The following CACNB2 variants were observed in gnomAD, a reference collection of about 807,000 sequenced individuals.
CACNB2 encodes the protein voltage-dependent L-type calcium channel subunit beta-2.
Under a neutral mutation model 73.3 loss-of-function variants are expected in CACNB2, and 42 were observed. The observed-to-expected ratio is 0.57, with a 90% CI of 0.45 to 0.74. The LOEUF is 0.74. Among genes scored for constraint, CACNB2 ranks in the 30% least tolerant of loss-of-function variants. CACNB2 has a pLI of 0.00. For synonymous variants in CACNB2, 348 were observed against 310.3 expected (o/e 1.12, Z -1.28); for missense variants, 940 against 853.0 (o/e 1.10, Z -1.27).
At chr10:18,421,307 T>A (rs1265212271) in intron 3 of CACNB2, among the ~76,000 whole-genome samples, 1 of 151,948 alleles carries the variant, frequency 6.6e-6, no homozygotes, top group South Asian at 2.1e-4. Context: ...TTTTGTTTTT[T>A]TTTTTCTAAG....
chr10:18,395,481 G>A (rs2132482772), intron 2 of CACNB2, among the ~76,000 whole-genome samples: 1 of 151,984 alleles, frequency 6.6e-6, no homozygotes, highest in South Asian at 2.1e-4. Flanking sequence ...GAGATATTAA[G>A]TTTCATGACA....
intron 2 of CACNB2, among the ~76,000 whole-genome samples, chr10:18,374,888 C>T (rs2042731207): frequency 6.6e-6 from 1 of 152,158 alleles, no homozygotes; most frequent in African/African-American, 2.4e-5. Flanking sequence ...CCAGTAGCCC[C>T]TAGACTCTCA....
At chr10:18,271,902 C>A (rs542839618) in intron 2 of CACNB2, among the ~76,000 whole-genome samples, 1 of 152,196 alleles carries the variant, frequency 6.6e-6, no homozygotes, top group African/African-American at 2.4e-5. Context: ...CTCCTCCATA[C>A]CACCAAAGGA....
At chr10:18,212,679 G>T (rs144957614) in intron 2 of CACNB2, among the ~76,000 whole-genome samples, 31 of 152,078 alleles carry the variant, frequency 2.0e-4, no homozygotes, top group African/African-American at 7.5e-4. Context: ...ATTATTCCAG[G>T]GTCGTTTATA....
At chr10:18,333,689 T>C (rs963861251) in intron 2 of CACNB2, among the ~76,000 whole-genome samples, 2 of 152,228 alleles carry the variant, frequency 1.3e-5, no homozygotes, top group Non-Finnish European at 2.9e-5. Context: ...GTACCATAAT[T>C]ATCCATATTT....
Position 18,218,483 on chromosome 10 carries a change from T to G in CACNB2, c.213+67508T>G, listed in dbSNP as rs79598652. Among the ~76,000 whole-genome samples the G allele has an allele frequency of 4.4e-3, 673 of 152,282 alleles. 3 individuals carry two copies. Among genetic ancestry groups the G allele is most frequent in the African/African-American group, 0.015 (644 of 41,558 alleles). On this transcript the variant is annotated intron_variant, in intron 2 of 13. Transcript: ENST00000324631. ...AGATAAGAAAATGGAGGCCCAGAGA[T>G]CTGTATGAATGTGTATGTGTAGCAC... is the stretch of plus-strand genomic sequence containing the variant.
At chr10:18,177,463 TGCA>T (rs1181676432) in intron 2 of CACNB2, among the ~76,000 whole-genome samples, 802 of 49,948 alleles carry the variant, frequency 0.016, 11 homozygotes, top group African/African-American at 0.054. Flanking sequence ...CTATTAAAAA[TGCA>T]AAAAAAAAAA....
chr10:18,410,135 T>C (rs2044537275), intron 3 of CACNB2, among the ~76,000 whole-genome samples: 1 of 152,136 alleles, frequency 6.6e-6, no homozygotes, highest in South Asian at 2.1e-4. Context: ...AGCTTTCTAC[T>C]CCTTAGCCGT....
At position 18,443,038 on chromosome 10, in the gene CACNB2, A is replaced by G. The variant is rs539274790; in HGVS notation, c.333+40995A>G. On this transcript the variant is annotated intron_variant, in intron 3 of 13. Transcript: ENST00000324631. Reference sequence around the variant, plus strand: ...TGTATATATATATATATATATATAAATAAGGAACTTAACTATACATAATTT... The same window carrying G: ...TGTATATATATATATATATATATAAGTAAGGAACTTAACTATACATAATTT... 2.1e-3 allele frequency among the ~76,000 whole-genome samples: 291 copies of G among 136,154 alleles called. 35 individuals are homozygous for G. The highest frequency in any genetic ancestry group is 7.7e-3 in the African/African-American group (287 of 37,498). The allele number at this position is 136,154 out of a possible 152,430, so 89.3% of individuals were successfully genotyped here. A position where few individuals can be genotyped will look rare whatever the true frequency, so the allele number is the denominator to read the frequency against.
chr10:18,140,869 C>A lies in CACNB2; in HGVS notation c.120+13C>A, dbSNP rs1338411767. 6.3e-7 allele frequency: 1 copy of A among 1,588,896 alleles called. No individual in the cohort carries two copies. The highest frequency in any genetic ancestry group is 2.3e-5 in the East Asian group (1 of 44,070). On this transcript the variant is annotated intron_variant, in intron 1 of 13. Transcript: ENST00000324631. ...AGCCGCCGCACAGGTAGCGAGAGCG[C>A]GGCGCCTTCTCCTTCCTTTGTGAGC...
intron 2 of CACNB2, among the ~76,000 whole-genome samples, chr10:18,369,752 C>A (rs1654264990): frequency 6.6e-6 from 1 of 151,932 alleles, no homozygotes; most frequent in Non-Finnish European, 1.5e-5. Flanking sequence ...ACTAAAAATA[C>A]AAAAATTAGC....
At chr10:18,430,984 T>G (rs2045862960) in intron 3 of CACNB2, among the ~76,000 whole-genome samples, 1 of 152,192 alleles carries the variant, frequency 6.6e-6, no homozygotes, top group Admixed American at 6.5e-5. Flanking sequence ...TTTATATATT[T>G]TTTTAAATCT....
chr10:18,365,954 C>A (rs377015534), intron 2 of CACNB2, among the ~76,000 whole-genome samples: 13 of 152,184 alleles, frequency 8.5e-5, no homozygotes, highest in African/African-American at 3.1e-4. Flanking sequence ...AGTTTCTGAG[C>A]CCTCTCACTT....
chr10:18,236,879 A>T (rs1361166299), intron 2 of CACNB2, among the ~76,000 whole-genome samples: 4 of 152,136 alleles, frequency 2.6e-5, no homozygotes, highest in African/African-American at 9.7e-5. Context: ...GACTGTTTCA[A>T]TCTGACATCC....
At chr10:18,228,345 A>G (rs370745185) in intron 2 of CACNB2, among the ~76,000 whole-genome samples, 5 of 143,578 alleles carry the variant, frequency 3.5e-5, no homozygotes, top group African/African-American at 7.5e-5. Flanking sequence ...CAGGAGAACA[A>G]TCGCTTGAAC....
chr10:18,271,303 C>T (rs974169638), intron 2 of CACNB2, among the ~76,000 whole-genome samples: 1 of 152,134 alleles, frequency 6.6e-6, no homozygotes, highest in African/African-American at 2.4e-5. Context: ...CAAGAAGCAG[C>T]TTATTTACCC....
At chr10:18,188,816 A>G (rs2034267524) in intron 2 of CACNB2, among the ~76,000 whole-genome samples, 1 of 152,128 alleles carries the variant, frequency 6.6e-6, no homozygotes, top group Admixed American at 6.5e-5. Context: ...AAAAAAGACA[A>G]TTATATAGTG....
In CACNB2 at chr10:18,499,353, C is replaced by T. The variant is rs143126487; in HGVS notation, c.456+876C>T. The stretch of plus-strand genomic sequence containing the variant: ...GAACCTAGGGCTGGGCCCGGTGGCT[C>T]ATGCCTGTAATCCCAACACTTTGGG... On this transcript the variant is annotated intron_variant, in intron 4 of 13. Transcript: ENST00000324631. Among the ~76,000 whole-genome samples, 259 of 152,282 alleles carry T rather than the reference C, an allele frequency of 1.7e-3. 2 individuals are homozygous for T. The highest frequency in any genetic ancestry group is 6.0e-3 in the African/African-American group (248 of 41,562).
intron 9 of CACNB2, among the ~76,000 whole-genome samples, chr10:18,525,448 T>G (rs982395869): frequency 2.0e-5 from 3 of 152,212 alleles, no homozygotes; most frequent in Non-Finnish European, 4.4e-5. Flanking sequence ...CCTCCAAATT[T>G]TGAAGGCTTT....
Sources: gnomAD v4.1 joint callset for allele counts (sites outside exome capture counted in the v4.1 genomes callset) on GRCh38, gnomAD v4.1.1 for gene constraint, MANE v1.5 for transcripts, NCBI Gene and HGNC (gene_info 2026-07-23, HGNC 2026-07-21) for gene names.